TUSC3: variants seen among roughly 807,000 people sequenced by gnomAD.
TUSC3 encodes the protein dolichyl-diphosphooligosaccharide--protein glycosyltransferase subunit TUSC3.
A neutral mutation model predicts 44.8 loss-of-function variants in TUSC3; 45 were observed. The observed-to-expected ratio is 1.00, with a 90% CI of 0.79 to 1.29. TUSC3 has a LOEUF of 1.29. Ranked by LOEUF, TUSC3 falls within the 50% of genes most tolerant of loss-of-function variation. The pLI, the probability that TUSC3 is intolerant of heterozygous loss-of-function variation, is 0.00. For missense variants in TUSC3, 519 were observed against 437.9 expected (o/e 1.19, Z -1.65); for synonymous variants, 212 against 152.9 (o/e 1.39, Z -2.85).
intron 1 of TUSC3, among the ~76,000 whole-genome samples, chr8:15,466,269 C>A (rs990353860): frequency 6.6e-6 from 1 of 152,156 alleles, no homozygotes; most frequent in East Asian, 1.9e-4. Flanking sequence ...AATTCTACAT[C>A]AAGAGGAAAT....
At chr8:15,820,710 C>T in the TUSC3 span, among the ~76,000 whole-genome samples, 73,668 of 151,978 alleles carry the variant, frequency 0.48, 19,722 homozygotes, top group East Asian at 0.71. Context: ...TTGCACTCTT[C>T]CTATTTTCTG....
chr8:15,659,583 T>C lies in TUSC3; in HGVS notation c.503T>C (p.Leu168Pro). The change falls in exon 4 of 11, where the codon CTC (leucine) becomes CCC (proline). Residue 168 changes from leucine to proline, a missense_variant. Leu to Pro is a moderately conservative substitution (Grantham distance 98, BLOSUM62 -3). Coordinates refer to ENST00000503731, the MANE Select transcript of TUSC3 (RefSeq NM_006765.4). ...GRPKRADTFD[L>P]QRIGFAAEQL... ...CCTAAGAGAGCTGATACTTTTGACC[T>C]CCAAAGAATTGGATTTGCAGCTGAG... The C allele has an allele frequency of 6.2e-7, 1 of 1,613,558 alleles. No homozygotes were observed. Among genetic ancestry groups the C allele is most frequent in the Non-Finnish European group, 8.5e-7 (1 of 1,179,716 alleles).
At chr8:15,463,919 G>T (rs1221998287) in intron 1 of TUSC3, among the ~76,000 whole-genome samples, 1 of 152,136 alleles carries the variant, frequency 6.6e-6, no homozygotes, top group Non-Finnish European at 1.5e-5. Context: ...TTGCCTATTT[G>T]ATCATTAGTG....
chr8:15,554,719 C>T (rs944701598), intron 1 of TUSC3, among the ~76,000 whole-genome samples: 1 of 149,458 alleles, frequency 6.7e-6, no homozygotes, highest in African/African-American at 2.5e-5. Context: ...TCTCCTGCCT[C>T]AGCCTCCCGA....
At chr8:15,483,649 A>ATGTTTTTTTTT (rs1800694380) in intron 2 of TUSC3, among the ~76,000 whole-genome samples, 1 of 66,166 alleles carries the variant, frequency 1.5e-5, no homozygotes, top group African/African-American at 5.5e-5. Context: ...TAGCACTGTG[A>ATGTTTTTTTTT]TTTTTTTTTT....
chr8:15,647,993 C>T (rs989167443), intron 2 of TUSC3, among the ~76,000 whole-genome samples: 1 of 152,106 alleles, frequency 6.6e-6, no homozygotes, highest in African/African-American at 2.4e-5. Flanking sequence ...TTTTCTCATT[C>T]CTCTTATTCA....
At chr8:15,625,177 C>T (rs952097524) in intron 2 of TUSC3, among the ~76,000 whole-genome samples, 1 of 152,102 alleles carries the variant, frequency 6.6e-6, no homozygotes. Flanking sequence ...ACTGGTCTTG[C>T]ATACAGGAAT....
chr8:15,519,794 C>G (rs986687648), intron 2 of TUSC3, among the ~76,000 whole-genome samples: 2 of 152,146 alleles, frequency 1.3e-5, no homozygotes, highest in Non-Finnish European at 2.9e-5. Flanking sequence ...TCTATATTTA[C>G]TATCAAAGGC....
At chr8:15,558,971 T>G (rs1243159527) in intron 1 of TUSC3, among the ~76,000 whole-genome samples, 1 of 150,452 alleles carries the variant, frequency 6.6e-6, no homozygotes, top group African/African-American at 2.4e-5. Flanking sequence ...ATTCATTAAT[T>G]TTTTGAAGGG....
chr8:15,833,568 T>C, the TUSC3 span, among the ~76,000 whole-genome samples: 11 of 152,152 alleles, frequency 7.2e-5, no homozygotes, highest in African/African-American at 2.7e-4. Flanking sequence ...GCCATTATCC[T>C]TAGCCAATCA....
chr8:15,831,362 C>T, the TUSC3 span, among the ~76,000 whole-genome samples: 1 of 152,158 alleles, frequency 6.6e-6, no homozygotes, highest in East Asian at 1.9e-4. Context: ...AGAACCACTG[C>T]AAGAACTCTG....
the TUSC3 span, among the ~76,000 whole-genome samples, chr8:15,793,176 CCT>C: frequency 1.3e-5 from 2 of 152,096 alleles, no homozygotes; most frequent in African/African-American, 4.8e-5. Flanking sequence ...CATATGCTCT[CCT>C]GTCTCTCTCA....
At chr8:15,652,057 G>A (rs950203570) in intron 3 of TUSC3, among the ~76,000 whole-genome samples, 1 of 152,162 alleles carries the variant, frequency 6.6e-6, no homozygotes, top group Non-Finnish European at 1.5e-5. Context: ...TCAACTGTGT[G>A]GCTCCCAGAG....
rs1804964406 is a variant in TUSC3, at chr8:15,615,840, A to G, written c.139-7240A>G. 2.0e-5 allele frequency among the ~76,000 whole-genome samples: 3 copies of G among 152,216 alleles called. 1 individual carries two copies. In the South Asian group the frequency reaches 6.2e-4, roughly 32 times the overall value. The stretch of plus-strand genomic sequence containing the variant: ...GTTAAACCCATAAGTACTGAAATGA[A>G]AAAATGAAGAGAGGCTGGTTAAAGG... On this transcript the variant is annotated intron_variant, in intron 1 of 10. Coordinates refer to ENST00000503731, the MANE Select transcript of TUSC3 (RefSeq NM_006765.4).
chr8:15,473,812 G>C (rs1392187007), intron 1 of TUSC3, among the ~76,000 whole-genome samples: 1 of 152,148 alleles, frequency 6.6e-6, no homozygotes, highest in African/African-American at 2.4e-5. Flanking sequence ...CAGAACTACT[G>C]ATAAGGGTCT....
At chr8:15,673,087 G>T (rs949487066) in intron 5 of TUSC3, among the ~76,000 whole-genome samples, 1 of 152,002 alleles carries the variant, frequency 6.6e-6, no homozygotes, top group Non-Finnish European at 1.5e-5. Context: ...GTGACTTCTG[G>T]TTTATGCATT....
chr8:15,851,078 G>A, the TUSC3 span, among the ~76,000 whole-genome samples: 13 of 152,280 alleles, frequency 8.5e-5, no homozygotes, highest in Non-Finnish European at 1.5e-4. Flanking sequence ...TGGACGACGC[G>A]ACGCTTTTCG....
At chr8:15,653,587 C>G (rs926359863) in intron 3 of TUSC3, among the ~76,000 whole-genome samples, 2 of 152,168 alleles carry the variant, frequency 1.3e-5, no homozygotes, top group African/African-American at 4.8e-5. Context: ...AGCAGGAATC[C>G]TGGTGTAGAA....
intron 6 of TUSC3, among the ~76,000 whole-genome samples, chr8:15,677,240 C>T (rs354510): frequency 0.86 from 130,147 of 152,078 alleles, 55,911 homozygotes; most frequent in East Asian, 0.88. Context: ...ACTCAAGCAG[C>T]TCTCCTGCAT....
Sources: allele counts gnomAD v4.1 joint callset (sites outside exome capture counted in the v4.1 genomes callset), GRCh38; gene constraint gnomAD v4.1.1; transcripts MANE v1.5; gene names NCBI Gene and HGNC (gene_info 2026-07-23, HGNC 2026-07-21).